Variants in FAP observed in about 807,000 individuals in gnomAD.
The protein encoded by FAP is prolyl endopeptidase FAP.
In FAP, 110 loss-of-function variants were observed where a neutral mutation model predicts 126.5. The ratio of observed to expected loss-of-function variants is 0.87; its 90% CI spans 0.74 to 1.02. The LOEUF is 1.02. Ranked by LOEUF, FAP falls within the 50% of genes least tolerant of loss-of-function variation. The pLI is 0.00. For missense variants in FAP, 919 were observed against 909.2 expected, an observed-to-expected ratio of 1.01 and a Z score of -0.14; for synonymous variants, 334 against 297.3, an observed-to-expected ratio of 1.12 and a Z score of -1.27.
intron 17 of FAP, among the ~76,000 whole-genome samples, chr2:162,193,284 T>C (rs1181848032): frequency 6.6e-6 from 1 of 152,190 alleles, no homozygotes; most frequent in Non-Finnish European, 1.5e-5. Context: ...GGAATCCGTA[T>C]TTATAATGAA....
In FAP at chr2:162,179,812, A is replaced by ATTT. The variant is rs1206502227; in HGVS notation, c.1869+3599_1869+3601dup. 2.7e-3 allele frequency among the ~76,000 whole-genome samples: 241 copies of ATTT among 90,540 alleles called. 2 individuals carry two copies. The highest frequency in any genetic ancestry group is 5.0e-3 in the African/African-American group (139 of 27,800). 59.4% of individuals were successfully genotyped at this position (90,540 alleles called of 152,430 possible). On this transcript the variant is annotated intron_variant, in intron 21 of 25. Coordinates refer to ENST00000188790, the MANE Select transcript of FAP (RefSeq NM_004460.5). ...TATCTATATATATATATATATATAT[A>ATTT]TTTTTTTTTTTTTTGAGATGGAGTC...
chr2:162,230,942 A>G (rs564973172), intron 2 of FAP, among the ~76,000 whole-genome samples: 1 of 152,302 alleles, frequency 6.6e-6, no homozygotes, highest in South Asian at 2.1e-4. Context: ...TGGCCTGCAG[A>G]GCAATCCATA....
chr2:162,216,120 G>A, intron 9 of FAP, 119 bp from the exon 10 acceptor site: 2 of 640,880 alleles, frequency 3.1e-6, no homozygotes, highest in South Asian at 4.1e-5. Context: ...ATATCACTGT[G>A]GAATACATTC....
chr2:162,202,830 A>G (rs766899023), intron 14 of FAP, 42 bp downstream of exon 14: 8 of 1,492,184 alleles, frequency 5.4e-6, no homozygotes, highest in East Asian at 2.3e-5. Context: ...ATCGGTGCCA[A>G]TTAAAACCTG....
chr2:162,172,893 AAG>A lies in FAP; in HGVS notation c.2108-11_2108-10del, dbSNP rs748834179. 1.8e-4 allele frequency: 287 copies of A among 1,602,506 alleles called. No individual in the cohort carries two copies. Among genetic ancestry groups the A allele is most frequent in the Non-Finnish European group, 2.1e-4 (250 of 1,170,396 alleles). The stretch of plus-strand genomic sequence containing the variant: ...TTGAAAGTGCACATTATCTGCAACA[AAG>A]AGAGAGAGAGTTAAAGTGCTGCTAA... On this transcript the variant is annotated splice_polypyrimidine_tract_variant and intron_variant, in intron 24 of 25. Coordinates refer to ENST00000188790, the MANE Select transcript of FAP (RefSeq NM_004460.5).
intron 22 of FAP, 73 bp from the exon 23 acceptor site, chr2:162,173,860 G>C: frequency 1.0e-6 from 1 of 983,606 alleles, no homozygotes; most frequent in South Asian, 1.4e-5. Flanking sequence ...AGACCTTCTA[G>C]TTTAATAACT....
intron 21 of FAP, chr2:162,176,427 A>T (rs942728508): frequency 2.6e-5 from 4 of 152,206 alleles, no homozygotes; most frequent in Admixed American, 2.6e-4. Flanking sequence ...TACTTGGAGG[A>T]GAACTGAACC....
intron 11 of FAP, among the ~76,000 whole-genome samples, chr2:162,212,626 G>A: frequency 6.6e-6 from 1 of 152,034 alleles, no homozygotes; most frequent in South Asian, 2.1e-4. Flanking sequence ...CTTTTTTCTT[G>A]CAAAACATAA....
chr2:162,183,500 T>C, intron 20 of FAP, 32 bp from the exon 21 acceptor site: 5 of 1,276,076 alleles, frequency 3.9e-6, no homozygotes, highest in Non-Finnish European at 5.7e-6. Context: ...TTTAGAATGT[T>C]AAGTGTATAC....
intron 12 of FAP, among the ~76,000 whole-genome samples, chr2:162,203,865 T>C (rs1040301857): frequency 6.6e-6 from 1 of 152,226 alleles, no homozygotes; most frequent in African/African-American, 2.4e-5. Context: ...TTCTAAATGA[T>C]AGATATAACT....
Position 162,223,625 on chromosome 2 carries a change from G to A in FAP, c.396C>T (p.Ile132=), listed in dbSNP as rs773262314. 1.2e-6 allele frequency: 2 copies of A among 1,606,930 alleles called. No homozygotes were observed. The highest frequency in any genetic ancestry group is 1.1e-5 in the South Asian group (1 of 90,866). Residue 132 remains isoleucine, a synonymous_variant, in exon 6 of 26, where the codon ATC becomes ATT. Coordinates refer to ENST00000188790, the MANE Select transcript of FAP (RefSeq NM_004460.5). ...TGATTTACCCATTGCTAAGGTCATA[G>A]ATGTAATATGTTGCTGTGTAAGAGT... ...WRYSYTATYY[I]YDLSNGEFVR...
At chr2:162,194,272 C>CCACACACACA (rs34495951) in intron 17 of FAP, 1 of 141,584 alleles carries the variant, frequency 7.1e-6, no homozygotes, top group Admixed American at 7.2e-5. Context: ...TGGGATGTTA[C>CCACACACACA]CACACACACA....
At chr2:162,228,867 T>C (rs1475440239) in intron 2 of FAP, among the ~76,000 whole-genome samples, 2 of 152,168 alleles carry the variant, frequency 1.3e-5, no homozygotes, top group African/African-American at 4.8e-5. Flanking sequence ...CTGATTCTAA[T>C]GTAATAAAGG....
At chr2:162,231,025 A>G (rs967855702) in intron 2 of FAP, among the ~76,000 whole-genome samples, 5 of 152,256 alleles carry the variant, frequency 3.3e-5, no homozygotes, top group South Asian at 2.1e-4. Context: ...GCCTCCTTTA[A>G]TGTTTGTCCC....
intron 12 of FAP, among the ~76,000 whole-genome samples, chr2:162,204,186 C>A (rs1486154703): frequency 3.9e-5 from 6 of 152,064 alleles, no homozygotes; most frequent in Non-Finnish European, 8.8e-5. Flanking sequence ...AATGTGAGAC[C>A]CATTGTAGAG....
At chr2:162,220,804 T>C (rs911936181) in intron 6 of FAP, among the ~76,000 whole-genome samples, 1 of 152,222 alleles carries the variant, frequency 6.6e-6, no homozygotes, top group African/African-American at 2.4e-5. Context: ...TAGGATGTCA[T>C]GCTTACTTTT....
chr2:162,182,923 A>G (rs1478856296), intron 21 of FAP, among the ~76,000 whole-genome samples: 2 of 152,222 alleles, frequency 1.3e-5, no homozygotes, highest in East Asian at 3.8e-4. Flanking sequence ...ACAAACGAAC[A>G]TTCGGTCTAC....
intron 21 of FAP, among the ~76,000 whole-genome samples, chr2:162,177,876 A>C (rs1687539431): frequency 1.3e-5 from 2 of 152,162 alleles, no homozygotes. Context: ...TACTTTGTGC[A>C]ATCCTCACGG....
chr2:162,240,808 T>C (rs907119005), intron 2 of FAP, among the ~76,000 whole-genome samples: 2 of 152,188 alleles, frequency 1.3e-5, no homozygotes, highest in Non-Finnish European at 2.9e-5. Context: ...TTTTTACCCC[T>C]TCCTCCTTCC....
Sources: allele counts gnomAD v4.1 joint callset (sites outside exome capture counted in the v4.1 genomes callset), GRCh38; gene constraint gnomAD v4.1.1; transcripts MANE v1.5; gene names NCBI Gene and HGNC (gene_info 2026-07-23, HGNC 2026-07-21).